Variants in LRTM3 observed in about 807,000 individuals in gnomAD.
LRTM3 encodes the protein leucine-rich repeat transmembrane protein 3.
At chr13:102,737,866 T>A in the LRTM3 span, 1 of 1,550,798 alleles carries the variant, frequency 6.4e-7, no homozygotes, top group Non-Finnish European at 8.7e-7. Flanking sequence ...TATAATGGGT[T>A]AGAGAAGAAT....
At chr13:102,747,742 C>T in the LRTM3 span, 3 of 1,550,978 alleles carry the variant, frequency 1.9e-6, no homozygotes, top group African/African-American at 1.4e-5. Context: ...TGCTTTGCTT[C>T]ACCTTCTCAA....
At chr13:102,744,435 T>C in the LRTM3 span, 1 of 1,550,308 alleles carries the variant, frequency 6.5e-7, no homozygotes, top group Admixed American at 2.0e-5. Flanking sequence ...ATTGAACCAA[T>C]CTTTGATTTC....
the LRTM3 span, chr13:102,730,137 TA>T: frequency 5.3e-5 from 82 of 1,549,878 alleles, no homozygotes; most frequent in Non-Finnish European, 6.5e-5. Flanking sequence ...GGTGGTGTAA[TA>T]ATTAAGGTTT....
the LRTM3 span, chr13:102,732,469 T>C: frequency 6.4e-7 from 1 of 1,551,070 alleles, no homozygotes; most frequent in South Asian, 1.2e-5. Flanking sequence ...CTTTCTGATC[T>C]TTACGTTTGG....
chr13:102,742,428 G>A, the LRTM3 span: 4 of 1,547,204 alleles, frequency 2.6e-6, no homozygotes, highest in Non-Finnish European at 3.5e-6. Context: ...TGTTTCTTTG[G>A]CAGGGCAAAT....
the LRTM3 span, chr13:102,739,470 C>A: frequency 6.4e-7 from 1 of 1,550,438 alleles, no homozygotes; most frequent in South Asian, 1.2e-5. Flanking sequence ...TTATCTTTAC[C>A]TGCTTTTGTT....
the LRTM3 span, chr13:102,736,804 G>A: frequency 6.4e-7 from 1 of 1,550,942 alleles, no homozygotes; most frequent in Non-Finnish European, 8.7e-7. Context: ...TTTGGATCTG[G>A]GCCATGTATT....
chr13:102,731,076 G>A, the LRTM3 span: 3 of 1,551,366 alleles, frequency 1.9e-6, no homozygotes, highest in South Asian at 1.2e-5. Context: ...TTTACTGAGT[G>A]GTTTTGGAGG....
chr13:102,730,208 T>C, the LRTM3 span: 1 of 1,551,102 alleles, frequency 6.4e-7, no homozygotes, highest in Non-Finnish European at 8.7e-7. Flanking sequence ...TGATTTCAAA[T>C]CAGTCGTGAT....
At chr13:102,757,284 A>G in the LRTM3 span, among the ~76,000 whole-genome samples, 1 of 152,198 alleles carries the variant, frequency 6.6e-6, no homozygotes, top group Admixed American at 6.5e-5. Context: ...CAATATAGCA[A>G]CCAGATTAAA....
the LRTM3 span, chr13:102,734,061 A>G: frequency 6.4e-7 from 1 of 1,551,422 alleles, no homozygotes; most frequent in African/African-American, 1.4e-5. Flanking sequence ...AGAACCACAC[A>G]TGCTTCATCT....
At chr13:102,743,781 T>C in the LRTM3 span, 10 of 1,550,430 alleles carry the variant, frequency 6.4e-6, no homozygotes, top group Non-Finnish European at 8.7e-6. Context: ...ATCTGTGAAA[T>C]TGACGACTTC....
At chr13:102,730,572 G>A in the LRTM3 span, 1 of 1,551,878 alleles carries the variant, frequency 6.4e-7, no homozygotes, top group Non-Finnish European at 8.7e-7. Context: ...TTCTTCCTCG[G>A]GCTGTGCAGA....
At chr13:102,749,859 A>T in the LRTM3 span, 1 of 1,551,350 alleles carries the variant, frequency 6.4e-7, no homozygotes, top group African/African-American at 1.4e-5. Context: ...TTCTGATTCA[A>T]GGACTCTTGA....
chr13:102,744,050 G>A, the LRTM3 span: 2 of 1,550,540 alleles, frequency 1.3e-6, no homozygotes, highest in Non-Finnish European at 1.7e-6. Flanking sequence ...TGATTTGGAT[G>A]TTGTACTCTT....
the LRTM3 span, chr13:102,745,631 G>A: frequency 9.0e-6 from 14 of 1,550,800 alleles, no homozygotes; most frequent in African/African-American, 1.4e-5. Flanking sequence ...GTTTCTCGTC[G>A]TTTTAGGTGT....
the LRTM3 span, chr13:102,731,506 G>A: frequency 6.4e-7 from 1 of 1,551,336 alleles, no homozygotes; most frequent in Non-Finnish European, 8.7e-7. Flanking sequence ...GCTGCGTTTT[G>A]GGATATATTG....
chr13:102,743,640 T>G, the LRTM3 span: 1 of 1,550,176 alleles, frequency 6.5e-7, no homozygotes, highest in Non-Finnish European at 8.7e-7. Context: ...GCAGGTGAGT[T>G]TTCTTGTACT....
the LRTM3 span, chr13:102,746,514 T>A: frequency 6.4e-7 from 1 of 1,551,104 alleles, no homozygotes. Flanking sequence ...TTAAACTTAG[T>A]CTTAAAGTCT....
Sources: allele counts gnomAD v4.1 joint callset (sites outside exome capture counted in the v4.1 genomes callset), GRCh38; gene constraint gnomAD v4.1.1; transcripts MANE v1.5; gene names NCBI Gene and HGNC (gene_info 2026-07-23, HGNC 2026-07-21).